Variants in STK10 observed in about 807,000 individuals in gnomAD.
STK10 encodes serine/threonine-protein kinase 10.
Under a neutral mutation model 113.8 loss-of-function variants are expected in STK10, and 78 were observed. The ratio of observed to expected loss-of-function variants is 0.69; its 90% CI spans 0.57 to 0.83. The LOEUF (loss-of-function observed/expected upper bound fraction) is 0.83. Ranked by LOEUF, STK10 falls within the 40% of genes least tolerant of loss-of-function variation. STK10 has a pLI of 0.00. For missense variants in STK10, 1,109 were observed against 1,280.1 expected (o/e 0.87, Z 2.04); for synonymous variants, 465 against 494.7 (o/e 0.94, Z 0.80).
chr5:172,070,689 T>G (rs184079763), intron 12 of STK10, among the ~76,000 whole-genome samples: 1 of 151,874 alleles, frequency 6.6e-6, no homozygotes, highest in Non-Finnish European at 1.5e-5. Flanking sequence ...GGTTCTTTGA[T>G]AAGGTCAATA....
intron 12 of STK10, among the ~76,000 whole-genome samples, chr5:172,074,142 C>T (rs565458009): frequency 6.6e-6 from 1 of 152,192 alleles, no homozygotes; most frequent in Admixed American, 6.5e-5. Context: ...ATGAATTCAA[C>T]TCAATCCCAA....
At chr5:172,129,776 T>C (rs146081207) in intron 2 of STK10, among the ~76,000 whole-genome samples, 42 of 152,108 alleles carry the variant, frequency 2.8e-4, no homozygotes, top group African/African-American at 9.7e-4. Flanking sequence ...GAGGTGATGA[T>C]GGAAAAGAAG....
At chr5:172,125,424 G>A (rs150584041) in intron 3 of STK10, among the ~76,000 whole-genome samples, 1,534 of 150,000 alleles carry the variant, frequency 0.01, 40 homozygotes, top group African/African-American at 0.036. Context: ...TCACTCTGTC[G>A]CCCAGGCTGG....
intron 2 of STK10, among the ~76,000 whole-genome samples, chr5:172,143,111 T>C (rs898101247): frequency 2.0e-5 from 3 of 152,178 alleles, no homozygotes; most frequent in Non-Finnish European, 4.4e-5. Context: ...GCCCCAGCTG[T>C]CCTCAAGAAA....
chr5:172,109,626 T>C (rs557140339), intron 4 of STK10, among the ~76,000 whole-genome samples: 1 of 152,256 alleles, frequency 6.6e-6, no homozygotes, highest in African/African-American at 2.4e-5. Flanking sequence ...TATCTTTACA[T>C]GCATTCCAAC....
chr5:172,101,706 G>A (rs1768993161), intron 7 of STK10, among the ~76,000 whole-genome samples: 1 of 152,156 alleles, frequency 6.6e-6, no homozygotes, highest in African/African-American at 2.4e-5. Flanking sequence ...CTGGGAATGT[G>A]GGGAGTGTAG....
At chr5:172,051,078 G>A (rs1479175416) in intron 18 of STK10, among the ~76,000 whole-genome samples, 3 of 150,064 alleles carry the variant, frequency 2.0e-5, no homozygotes, top group Non-Finnish European at 4.4e-5. Flanking sequence ...GCGCCACTCC[G>A]TCTCAGGAAA....
chr5:172,129,902 G>A (rs1204218558), intron 2 of STK10, among the ~76,000 whole-genome samples: 6 of 152,130 alleles, frequency 3.9e-5, no homozygotes, highest in Admixed American at 6.5e-5. Context: ...CACGTGCCTG[G>A]CCCCAGGTCG....
In STK10 at chr5:172,070,726, G is replaced by GGAGGAGGA. The variant is rs201208043; in HGVS notation, c.1990-5922_1990-5915dup. Among the ~76,000 whole-genome samples the GGAGGAGGA allele has an allele frequency of 5.6e-3, 848 of 152,096 alleles. 28 individuals carry two copies. The highest frequency in any genetic ancestry group is 0.048 in the Admixed American group (724 of 15,238). Reference sequence around the variant, plus strand: ...AATTAATAATTAGACTGACAGGGAAGGAGGAGGAGAGGAGGAGGAGAAGGA... The same window carrying GGAGGAGGA: ...AATTAATAATTAGACTGACAGGGAAGGAGGAGGAGAGGAGGAGAGGAGGAGGAGAAGGA... On this transcript the variant is annotated intron_variant, in intron 12 of 18. Coordinates refer to ENST00000176763, the MANE Select transcript of STK10 (RefSeq NM_005990.4).
chr5:172,051,026 T>C (rs1767614927), intron 18 of STK10, among the ~76,000 whole-genome samples: 1 of 151,344 alleles, frequency 6.6e-6, no homozygotes, highest in Admixed American at 6.6e-5. Context: ...GGCAGGAGAA[T>C]CGCTTGAACC....
rs35446422 is a variant in STK10, at chr5:172,153,288, A to AAAAGAAAGAAAGAAAG, written c.321+3320_321+3335dup. 6.4e-3 allele frequency among the ~76,000 whole-genome samples: 905 copies of AAAAGAAAGAAAGAAAG among 142,026 alleles called. 26 individuals are homozygous for AAAAGAAAGAAAGAAAG. The highest frequency in any genetic ancestry group is 0.014 in the Middle Eastern group (4 of 292). 93.2% of individuals were successfully genotyped at this position (142,026 alleles called of 152,430 possible). On this transcript the variant is annotated intron_variant, in intron 2 of 18. Coordinates refer to ENST00000176763, the MANE Select transcript of STK10 (RefSeq NM_005990.4). Reference sequence around the variant, plus strand: ...GCAACAGGAGCAAAACTCCATCTCAAAAAGAAAGAAAGAAAGAAAGAAAGA... The same window carrying AAAAGAAAGAAAGAAAG: ...GCAACAGGAGCAAAACTCCATCTCAAAAAGAAAGAAAGAAAGAAAGAAAGAAAGAAAGAAAGAAAGA...
intron 7 of STK10, among the ~76,000 whole-genome samples, chr5:172,097,315 C>T (rs571525680): frequency 8.5e-5 from 13 of 152,366 alleles, no homozygotes; most frequent in African/African-American, 2.6e-4. Flanking sequence ...GCTGGGATTA[C>T]AGGCGTGAGC....
intron 7 of STK10, among the ~76,000 whole-genome samples, chr5:172,100,304 C>G (rs1768959169): frequency 2.0e-5 from 3 of 152,172 alleles, no homozygotes; most frequent in Admixed American, 6.5e-5. Flanking sequence ...GTCCTTCCCC[C>G]CAGTAAGAGG....
At chr5:172,186,518 A>T (rs1035830918) in intron 1 of STK10, among the ~76,000 whole-genome samples, 13 of 152,082 alleles carry the variant, frequency 8.5e-5, no homozygotes, top group African/African-American at 3.1e-4. Flanking sequence ...GCTACTCCGA[A>T]GGCTGAGGCA....
At chr5:172,059,416 C>G (rs968171339) in intron 14 of STK10, among the ~76,000 whole-genome samples, 10 of 129,374 alleles carry the variant, frequency 7.7e-5, no homozygotes, top group African/African-American at 3.0e-4. Flanking sequence ...CACAGTGAGA[C>G]AGCGAGACTC....
At chr5:172,098,149 ACTAAAAAACAAATTT>A (rs776037434) in intron 7 of STK10, among the ~76,000 whole-genome samples, 25 of 152,216 alleles carry the variant, frequency 1.6e-4, no homozygotes, top group Non-Finnish European at 3.4e-4. Context: ...TATTTAAACG[ACTAAAAAACAAATTT>A]CTAGCACCTG....
chr5:172,092,569 T>C (rs1768738645), intron 9 of STK10: 1 of 152,182 alleles, frequency 6.6e-6, no homozygotes, highest in South Asian at 2.1e-4. Context: ...CTAAAGCTGA[T>C]TGGCCGTTGC....
intron 2 of STK10, among the ~76,000 whole-genome samples, chr5:172,128,474 G>T (rs775670224): frequency 6.6e-6 from 1 of 151,948 alleles, no homozygotes; most frequent in Non-Finnish European, 1.5e-5. Context: ...GGGATTAAAG[G>T]CACCTGCCAC....
At chr5:172,047,025 C>T (rs751875277) in intron 18 of STK10, among the ~76,000 whole-genome samples, 3 of 152,184 alleles carry the variant, frequency 2.0e-5, no homozygotes, top group African/African-American at 7.2e-5. Context: ...CGTACTTACT[C>T]GAAATACATC....
Sources: allele counts gnomAD v4.1 joint callset (sites outside exome capture counted in the v4.1 genomes callset), GRCh38; gene constraint gnomAD v4.1.1; transcripts MANE v1.5; gene names NCBI Gene and HGNC (gene_info 2026-07-23, HGNC 2026-07-21).